The following TMEM95 variants were observed in gnomAD, a reference collection of about 807,000 sequenced individuals.
TMEM95 encodes the protein transmembrane protein 95.
A neutral mutation model predicts 27.7 loss-of-function variants in TMEM95; 21 were observed. The ratio of observed to expected loss-of-function variants is 0.76; its 90% CI spans 0.54 to 1.09. The LOEUF (loss-of-function observed/expected upper bound fraction) is 1.09. Among genes scored for constraint, TMEM95 ranks in the 50% least tolerant of loss-of-function variants. The pLI, the probability that TMEM95 is intolerant of heterozygous loss-of-function variation, is 0.00. For synonymous variants in TMEM95, 77 were observed against 85.7 expected, an observed-to-expected ratio of 0.90 and a Z score of 0.56; for missense variants, 203 against 217.9, an observed-to-expected ratio of 0.93 and a Z score of 0.43.
rs1351092810 is a variant in TMEM95, at chr17:7,355,905, G to A, written c.294G>A (p.Glu98=). The A allele has an allele frequency of 6.2e-7, 1 of 1,613,962 alleles. No individual in the cohort carries two copies. Among genetic ancestry groups the A allele is most frequent in the Non-Finnish European group, 8.5e-7 (1 of 1,179,886 alleles). Residue 98 remains glutamate (E), a synonymous_variant, in exon 3 of 7, where the codon GAG becomes GAA. Coordinates refer to ENST00000576060, the MANE Select transcript of TMEM95 (RefSeq NM_001320436.2). This position sits in a 1 kb window ranked among gnomAD's most constrained non-coding sequence, Gnocchi z 4.9. The part of the protein sequence containing the change: ...WSWLRKTKLP[E]YTREALCPPA... ...GGCTTCGAAAGACCAAGCTCCCTGA[G>A]TACACCAGGGAAGGTACCGATGCGG...
Position 7,355,269 on chromosome 17 carries a change from T to G in TMEM95, c.65T>G (p.Leu22Arg). 1 of 1,613,948 alleles carries G rather than the reference T, an allele frequency of 6.2e-7. No individual in the cohort carries two copies. The highest frequency in any genetic ancestry group is 2.2e-5 in the East Asian group (1 of 44,880). ...GCCCAGGCTTGTGTCTTCTGTCGCC[T>G]CCCAGCCCACGACTTGTCAGGCCGC... is the stretch of plus-strand genomic sequence containing the variant. ...AAAQACVFCR[L>R]PAHDLSGRLA... The change falls in exon 1 of 7, where the codon CTC becomes CGC. Residue 22 changes from leucine (L) to arginine (R), a missense_variant. Leu to Arg is a moderately radical substitution (Grantham distance 102). Coordinates refer to ENST00000576060, the MANE Select transcript of TMEM95 (RefSeq NM_001320436.2). The surrounding 1 kb of genome is among the most constrained non-coding windows in gnomAD (Gnocchi z 4.9).
intron 6 of TMEM95, 55 bp from the exon 7 acceptor site, chr17:7,356,544 C>T: frequency 2.5e-6 from 4 of 1,612,324 alleles, no homozygotes; most frequent in Non-Finnish European, 3.4e-6. Flanking sequence ...CATCCTCCCT[C>T]CCTCTGTCCC....
chr17:7,355,270 C>G lies in TMEM95; in HGVS notation c.66C>G (p.Leu22=), dbSNP rs2073469162. 6.2e-7 allele frequency: 1 copy of G among 1,614,026 alleles called. No homozygotes were observed. ...AAAQACVFCR[L]PAHDLSGRLA... is the part of the protein sequence containing the mutation. ...CCCAGGCTTGTGTCTTCTGTCGCCTCCCAGCCCACGACTTGTCAGGCCGCC... is the reference window on the plus strand; with the variant it reads ...CCCAGGCTTGTGTCTTCTGTCGCCTGCCAGCCCACGACTTGTCAGGCCGCC... Residue 22 remains leucine (L), a synonymous_variant, in exon 1 of 7, where the codon CTC becomes CTG. Transcript: ENST00000576060. The surrounding 1 kb of genome is among the most constrained non-coding windows in gnomAD (Gnocchi z 4.9).
chr17:7,356,554 C>T, intron 6 of TMEM95, 45 bp from the exon 7 acceptor site: 1 of 1,612,432 alleles, frequency 6.2e-7, no homozygotes, highest in Non-Finnish European at 8.5e-7. Flanking sequence ...CCCTCTGTCC[C>T]TCCCAGGCCC....
chr17:7,355,728 A>C lies in TMEM95; in HGVS notation c.226+86A>C. 4 of 1,272,610 alleles carry C rather than the reference A, an allele frequency of 3.1e-6. No individual in the cohort carries two copies. Among genetic ancestry groups the C allele is most frequent in the Non-Finnish European group, 3.4e-6 (3 of 882,858 alleles). 78.8% of individuals were successfully genotyped at this position (1,272,610 alleles called of 1,614,324 possible). On this transcript the variant is annotated intron_variant, in intron 2 of 6. Transcript: ENST00000576060. The surrounding 1 kb of genome is among the most constrained non-coding windows in gnomAD (Gnocchi z 4.9). The stretch of plus-strand genomic sequence containing the variant: ...TGACAGGGGTTGGGGTGGGCAGGGA[A>C]GGGTGGAGGGGTAGAGACAGGAGGG...
At chr17:7,356,531 A>G in intron 6 of TMEM95, 52 bp downstream of exon 6, 1 of 1,611,232 alleles carries the variant, frequency 6.2e-7, no homozygotes, top group Non-Finnish European at 8.5e-7. Flanking sequence ...GCCTTCCACC[A>G]CCCATCCTCC....
rs2073520850 is a variant in TMEM95 at position 7,356,896 on chromosome 17, C to T, written c.*264C>T. 7 of 503,186 alleles carry T rather than the reference C, an allele frequency of 1.4e-5. No individual in the cohort carries two copies. In the South Asian group the frequency reaches 2.4e-4, roughly 18 times the overall value. 31.2% of individuals were successfully genotyped at this position (503,186 alleles called of 1,614,324 possible). On this transcript the variant is annotated 3_prime_UTR_variant, in exon 7 of 7. Transcript: ENST00000576060. ...GCTGGAAAGTTCCTCCCCTCCAGCC[C>T]TCAACCAATCACATGGCTGTCAACA... is the stretch of plus-strand genomic sequence containing the variant.
At position 7,355,985 on chromosome 17, in the gene TMEM95, C is replaced by T. The variant is rs764274482; in HGVS notation, c.308-44C>T. The T allele has an allele frequency of 6.2e-7, 1 of 1,613,394 alleles. No homozygotes were observed. The highest frequency in any genetic ancestry group is 8.5e-7 in the Non-Finnish European group (1 of 1,179,422). On this transcript the variant is annotated intron_variant, in intron 3 of 6. Transcript: ENST00000576060. The surrounding 1 kb of genome is among the most constrained non-coding windows in gnomAD (Gnocchi z 4.9). ...AACCAAAGGAATGTGTGGTGAGCAG[C>T]TCATCCATTCACACCCCCACCCCTT...
At position 7,356,288 on chromosome 17, in the gene TMEM95, C is replaced by T. The variant is rs1309207866; in HGVS notation, c.409+12C>T. The T allele has an allele frequency of 1.3e-6, 2 of 1,586,620 alleles. No homozygotes were observed. The highest frequency in any genetic ancestry group is 1.7e-5 in the Admixed American group (1 of 57,434). ...GCGCTGCTTCCCAGGTCCTCACGCC[C>T]ATCTTGGCCCCGCCCCACCTTGCCC... On this transcript the variant is annotated intron_variant, in intron 5 of 6. Coordinates refer to ENST00000576060, the MANE Select transcript of TMEM95 (RefSeq NM_001320436.2).
At chr17:7,356,548 C>T (rs2073509433) in intron 6 of TMEM95, 51 bp from the exon 7 acceptor site, 2 of 1,612,628 alleles carry the variant, frequency 1.2e-6, no homozygotes, top group South Asian at 2.2e-5. Flanking sequence ...CTCCCTCCCT[C>T]TGTCCCTCCC....
chr17:7,356,015 G>A lies in TMEM95; in HGVS notation c.308-14G>A, dbSNP rs758787556. 4.5e-5 allele frequency: 72 copies of A among 1,613,822 alleles called. No individual in the cohort carries two copies. The highest frequency in any genetic ancestry group is 5.8e-5 in the Non-Finnish European group (68 of 1,179,936). ...CCATTCACACCCCCACCCCTTCCTT[G>A]TCTTTCATTTCAGCTCTCTGTCCCC... On this transcript the variant is annotated splice_polypyrimidine_tract_variant and intron_variant, in intron 3 of 6. Coordinates refer to ENST00000576060, the MANE Select transcript of TMEM95 (RefSeq NM_001320436.2).
rs371503773 is a variant in TMEM95, at chr17:7,356,050, G to A, written c.328+1G>A. 8.1e-6 allele frequency: 13 copies of A among 1,613,828 alleles called. No individual in the cohort carries two copies. Among genetic ancestry groups the A allele is most frequent in the African/African-American group, 2.7e-5 (2 of 74,852 alleles). On this transcript the variant is annotated splice_donor_variant, in intron 4 of 6. Transcript: ENST00000576060. LOFTEE classifies it high-confidence loss of function. ...TCAGCTCTCTGTCCCCCCGCCTGCC[G>A]TGAGTAGGAAAGGAAAGGGGTAGCA...
Position 7,356,862 on chromosome 17 carries a change from G to C in TMEM95, c.*230G>C. ...GTCAGATGGCCTCCCGGGAACCCAG[G>C]CACCCACAGCTGGAAAGTTCCTCCC... On this transcript the variant is annotated 3_prime_UTR_variant, in exon 7 of 7. Coordinates refer to ENST00000576060, the MANE Select transcript of TMEM95 (RefSeq NM_001320436.2). 1 of 538,204 alleles carries C rather than the reference G, an allele frequency of 1.9e-6. No homozygotes were observed. The allele number at this position is 538,204 out of a possible 1,614,324, so 33.3% of individuals were successfully genotyped here.
In TMEM95 at chr17:7,355,171, T is replaced by G. The variant is rs2143020130; in HGVS notation, c.-34T>G. ...GCTGCAGAGCATTCCTCGGCTCAGC[T>G]GGGGCAGCGCCGCCCCATCCCCCAG... On this transcript the variant is annotated 5_prime_UTR_variant, in exon 1 of 7. Coordinates refer to ENST00000576060, the MANE Select transcript of TMEM95 (RefSeq NM_001320436.2). The surrounding 1 kb of genome is among the most constrained non-coding windows in gnomAD (Gnocchi z 4.9). 1.3e-6 allele frequency: 2 copies of G among 1,599,118 alleles called. No individual in the cohort carries two copies. The highest frequency in any genetic ancestry group is 4.5e-5 in the East Asian group (2 of 44,062).
In TMEM95 at chr17:7,355,660, G is replaced by C. The variant is rs375495140; in HGVS notation, c.226+18G>C. ...GGTCATGGGTGAGGTCAAGGGGAAA[G>C]AGTGACCTAGGGGCTTGGGAGGATA... On this transcript the variant is annotated intron_variant, in intron 2 of 6. Coordinates refer to ENST00000576060, the MANE Select transcript of TMEM95 (RefSeq NM_001320436.2). The surrounding 1 kb of genome is among the most constrained non-coding windows in gnomAD (Gnocchi z 4.9). 2.3e-4 allele frequency: 356 copies of C among 1,543,670 alleles called. 3 individuals are homozygous for C. In the African/African-American group the frequency reaches 2.4e-3, roughly 11 times the overall value.
chr17:7,355,337 T>A lies in TMEM95; in HGVS notation c.133T>A (p.Cys45Ser). Reference protein sequence around the residue: ...CSQMEARQKECGASPDFSAFA... With the variant: ...CSQMEARQKESGASPDFSAFA... ...CCAGATGGAGGCCAGGCAGAAGGAA[T>A]GTGGGGCCTCCCCAGACTTCTCGGC... Residue 45 changes from cysteine to serine, a missense_variant, in exon 1 of 7, where the codon TGT becomes AGT. By Grantham distance (112) the Cys-to-Ser change is moderately radical. Coordinates refer to ENST00000576060, the MANE Select transcript of TMEM95 (RefSeq NM_001320436.2). This position sits in a 1 kb window ranked among gnomAD's most constrained non-coding sequence, Gnocchi z 4.9. 1 of 1,613,994 alleles carries A rather than the reference T, an allele frequency of 6.2e-7. No homozygotes were observed. The highest frequency in any genetic ancestry group is 2.2e-5 in the East Asian group (1 of 44,876).
At position 7,356,042 on chromosome 17, in the gene TMEM95, C is replaced by T. The variant is rs772773129; in HGVS notation, c.321C>T (p.Pro107=). The T allele has an allele frequency of 3.3e-5, 53 of 1,613,912 alleles. No homozygotes were observed. The highest frequency in any genetic ancestry group is 2.3e-4 in the South Asian group (21 of 91,088). Residue 107 remains proline (P), a synonymous_variant, in exon 4 of 7, where the codon CCC becomes CCT. Transcript: ENST00000576060. ...CTTTCATTTCAGCTCTCTGTCCCCC[C>T]GCCTGCCGTGAGTAGGAAAGGAAAG... ...PEYTREALCP[P]ACRGSTTLYN...
At position 7,356,233 on chromosome 17, in the gene TMEM95, G is replaced by T; in HGVS notation, c.366G>T (p.Lys122Asn). Reference protein sequence around the residue: ...STTLYNCSTCKGTEVSCWPRK... With the variant: ...STTLYNCSTCNGTEVSCWPRK... ...CGCTGTACAACTGCTCCACCTGCAA[G>T]GGGACGGAGGTGTCCTGCTGGCCCC... Residue 122 changes from lysine (K) to asparagine (N), a missense_variant, in exon 5 of 7, where the codon AAG becomes AAT. Physicochemically the swap from Lys to Asn is moderately conservative, Grantham distance 94 (BLOSUM62 0). Coordinates refer to ENST00000576060, the MANE Select transcript of TMEM95 (RefSeq NM_001320436.2). 1 of 1,564,574 alleles carries T rather than the reference G, an allele frequency of 6.4e-7. No individual in the cohort carries two copies. The highest frequency in any genetic ancestry group is 1.2e-5 in the South Asian group (1 of 83,408).
At chr17:7,356,551 T>C in intron 6 of TMEM95, 48 bp from the exon 7 acceptor site, 1 of 1,612,444 alleles carries the variant, frequency 6.2e-7, no homozygotes, top group Non-Finnish European at 8.5e-7. Flanking sequence ...CCTCCCTCTG[T>C]CCCTCCCAGG....
Sources: gnomAD v4.1 joint callset for allele counts on GRCh38, gnomAD v4.1.1 for gene constraint, Gnocchi (gnomAD v3.1) non-coding constraint, MANE v1.5 for transcripts, NCBI Gene and HGNC (gene_info 2026-07-23, HGNC 2026-07-21) for gene names.